SUSD1: variants seen among roughly 807,000 people sequenced by gnomAD.
SUSD1 encodes sushi domain containing 1.
A neutral mutation model predicts 86.9 loss-of-function variants in SUSD1; 65 were observed. The ratio of observed to expected loss-of-function variants is 0.75; its 90% CI spans 0.61 to 0.92. The LOEUF (loss-of-function observed/expected upper bound fraction) is 0.92. SUSD1 is among the 40% of genes least tolerant of loss of function. The pLI, the probability that SUSD1 is intolerant of heterozygous loss-of-function variation, is 0.00. For missense variants in SUSD1, 850 were observed against 929.7 expected (o/e 0.91, Z 1.11); for synonymous variants, 346 against 350.0 (o/e 0.99, Z 0.13).
chr9:112,161,916 T>A (rs1833589153), intron 1 of SUSD1, among the ~76,000 whole-genome samples: 1 of 152,062 alleles, frequency 6.6e-6, no homozygotes, highest in African/African-American at 2.4e-5. Flanking sequence ...AGATGGATGG[T>A]AGCGATGGTT....
chr9:112,142,961 C>CTTTTTTTTTTTTT (rs529470594), intron 4 of SUSD1, among the ~76,000 whole-genome samples: 1 of 30,216 alleles, frequency 3.3e-5, no homozygotes, highest in Non-Finnish European at 7.0e-5. Flanking sequence ...TGAATTTTAG[C>CTTTTTTTTTTTTT]TTTTTTTTTT....
chr9:112,078,809 C>CAATTT, intron 11 of SUSD1, 85 bp from the exon 12 acceptor site: 3 of 829,714 alleles, frequency 3.6e-6, no homozygotes, highest in African/African-American at 4.7e-5. Context: ...CTTTTTCTTT[C>CAATTT]TCTTTTTTTT....
intron 9 of SUSD1, among the ~76,000 whole-genome samples, chr9:112,099,620 T>C (rs62569079): frequency 0.018 from 2,726 of 152,270 alleles, 39 homozygotes; most frequent in South Asian, 0.025. Context: ...CAGGGAATTA[T>C]AGGGAAAAAA....
chr9:112,148,539 G>C (rs1312567090), intron 3 of SUSD1, among the ~76,000 whole-genome samples: 1 of 151,950 alleles, frequency 6.6e-6, no homozygotes, highest in African/African-American at 2.4e-5. Flanking sequence ...CTCACCCCAA[G>C]GACCCCCGAC....
intron 2 of SUSD1, among the ~76,000 whole-genome samples, chr9:112,157,269 A>G (rs1290915369): frequency 6.6e-6 from 1 of 152,254 alleles, no homozygotes; most frequent in Non-Finnish European, 1.5e-5. Context: ...CAGAGTTTCC[A>G]GAGATTCAAG....
At chr9:112,168,064 TG>T (rs1159951528) in intron 1 of SUSD1, among the ~76,000 whole-genome samples, 1 of 152,204 alleles carries the variant, frequency 6.6e-6, no homozygotes, top group Non-Finnish European at 1.5e-5. Flanking sequence ...ATAGGAATTA[TG>T]GGAGCTACAA....
In SUSD1 at chr9:112,067,811, C is replaced by G. The variant is rs1029504584; in HGVS notation, c.1754-4778G>C. Among the ~76,000 whole-genome samples, 6 of 152,024 alleles carry G rather than the reference C, an allele frequency of 3.9e-5. No homozygotes were observed. The South Asian group carries it at 6.2e-4, about 16-fold the overall frequency. ...AAACATATGTATGAATGCCTCCCCC[C>G]CAATCCCCCCACCCTAGCCCTAAAC... On this transcript the variant is annotated intron_variant, in intron 12 of 16. Transcript: ENST00000374270.
intron 10 of SUSD1, among the ~76,000 whole-genome samples, chr9:112,097,256 G>A (rs1830435237): frequency 6.6e-6 from 1 of 151,774 alleles, no homozygotes; most frequent in Non-Finnish European, 1.5e-5. Context: ...AGCCCAGGAG[G>A]TGGAGGTTAC....
intron 14 of SUSD1, among the ~76,000 whole-genome samples, chr9:112,053,373 G>A (rs2118911086): frequency 6.6e-6 from 1 of 151,926 alleles, no homozygotes; most frequent in South Asian, 2.1e-4. Flanking sequence ...AAATTAGCTA[G>A]GTGTGGTGGT....
chr9:112,138,282 A>AT (rs1832401848), intron 5 of SUSD1, among the ~76,000 whole-genome samples: 1 of 13,146 alleles, frequency 7.6e-5, no homozygotes, highest in African/African-American at 2.6e-4. Context: ...TATATATATG[A>AT]AGTCCAGGAT....
At chr9:112,169,837 G>A (rs755245033) in intron 1 of SUSD1, among the ~76,000 whole-genome samples, 2 of 151,932 alleles carry the variant, frequency 1.3e-5, no homozygotes, top group Admixed American at 6.6e-5. Flanking sequence ...ACCATGCCCC[G>A]CTAATTTTTG....
At chr9:112,141,796 G>A (rs1224458158) in intron 5 of SUSD1, among the ~76,000 whole-genome samples, 1 of 138,300 alleles carries the variant, frequency 7.2e-6, no homozygotes, top group African/African-American at 2.7e-5. Flanking sequence ...TACATATATT[G>A]TATATATTGT....
intron 10 of SUSD1, among the ~76,000 whole-genome samples, chr9:112,088,107 T>G (rs1830057041): frequency 1.3e-5 from 2 of 152,220 alleles, no homozygotes. Context: ...AAGTGTGAAT[T>G]AAGATTTTTA....
intron 2 of SUSD1, among the ~76,000 whole-genome samples, chr9:112,150,007 G>T (rs1832976852): frequency 1.3e-5 from 2 of 152,198 alleles, no homozygotes. Context: ...AGCTTGCCCA[G>T]AGTGTTTTTC....
At chr9:112,057,172 C>T (rs767363555) in intron 14 of SUSD1, among the ~76,000 whole-genome samples, 1 of 152,168 alleles carries the variant, frequency 6.6e-6, no homozygotes, top group Non-Finnish European at 1.5e-5. Context: ...TGTAAGAAGG[C>T]AGCTGTCCAC....
intron 1 of SUSD1, among the ~76,000 whole-genome samples, chr9:112,173,021 C>T (rs75964621): frequency 0.034 from 5,208 of 152,316 alleles, 218 homozygotes; most frequent in African/African-American, 0.087. Context: ...GATGACCTTA[C>T]GTAGCTACTA....
chr9:112,124,138 G>T, intron 6 of SUSD1, 119 bp downstream of exon 6: 1 of 971,408 alleles, frequency 1.0e-6, no homozygotes, highest in Non-Finnish European at 1.5e-6. Context: ...GCACAACCAG[G>T]TAAATAGCCG....
intron 1 of SUSD1, among the ~76,000 whole-genome samples, chr9:112,165,917 G>GA (rs397800047): frequency 1.4e-3 from 91 of 65,324 alleles, no homozygotes; most frequent in African/African-American, 6.2e-3. Flanking sequence ...AAGGAAGGAA[G>GA]AAAGAAAAGA....
intron 10 of SUSD1, among the ~76,000 whole-genome samples, chr9:112,094,440 C>A (rs1176478721): frequency 1.3e-5 from 2 of 152,058 alleles, no homozygotes; most frequent in Admixed American, 6.6e-5. Flanking sequence ...GAAACTCAGA[C>A]CGGGGATTCT....
Sources: allele counts gnomAD v4.1 joint callset (sites outside exome capture counted in the v4.1 genomes callset), GRCh38; gene constraint gnomAD v4.1.1; transcripts MANE v1.5; gene names NCBI Gene and HGNC (gene_info 2026-07-23, HGNC 2026-07-21).